HDX: variants seen among roughly 807,000 people sequenced by gnomAD.
HDX encodes highly divergent homeobox, also known as chromosome X open reading frame 43.
HDX carries 19 observed loss-of-function variants against 45.2 expected under a neutral mutation model. The ratio of observed to expected loss-of-function variants is 0.42; its 90% CI spans 0.29 to 0.62. HDX has a LOEUF of 0.62. Ranked by LOEUF, HDX falls within the 20% of genes least tolerant of loss-of-function variation. HDX has a pLI of 0.20. For synonymous variants in HDX, 188 were observed against 172.8 expected, an observed-to-expected ratio of 1.09 and a Z score of -0.69; for missense variants, 532 against 493.9, an observed-to-expected ratio of 1.08 and a Z score of -0.73.
At chrX:84,402,625 G>T (rs1315014236) in intron 5 of HDX, among the ~76,000 whole-genome samples, 2 of 111,109 alleles carry the variant, frequency 1.8e-5, no homozygotes, top group African/African-American at 6.5e-5. Flanking sequence ...TTATAATTAT[G>T]TGTAAAGCTG....
At chrX:84,389,866 A>T (rs1359829314) in intron 5 of HDX, among the ~76,000 whole-genome samples, 1 of 110,827 alleles carries the variant, frequency 9.0e-6, no homozygotes, top group Non-Finnish European at 1.9e-5. Flanking sequence ...AGACCAGCTC[A>T]CATGTCTGTC....
intron 4 of HDX, among the ~76,000 whole-genome samples, chrX:84,453,991 G>C (rs987414351): frequency 1.8e-5 from 2 of 111,787 alleles, no homozygotes; most frequent in Non-Finnish European, 3.8e-5. Flanking sequence ...GGAACCTGCT[G>C]CCTTGAAGCA....
chrX:84,444,739 G>A (rs1317211401), intron 4 of HDX, among the ~76,000 whole-genome samples: 1 of 111,591 alleles, frequency 9.0e-6, no homozygotes, highest in Non-Finnish European at 1.9e-5. Context: ...CACATCAAAT[G>A]TATACTTAAG....
intron 6 of HDX, among the ~76,000 whole-genome samples, chrX:84,349,399 ATATATGTGTG>A (rs2037280746): frequency 1.1e-5 from 1 of 89,631 alleles, no homozygotes; most frequent in African/African-American, 4.2e-5. Context: ...AATTATATAT[ATATATGTGTG>A]TGTGTGTGTG....
intron 1 of HDX, among the ~76,000 whole-genome samples, chrX:84,497,893 G>A (rs1315314103): frequency 3.6e-5 from 4 of 111,345 alleles, no homozygotes; most frequent in Non-Finnish European, 7.5e-5. Flanking sequence ...AGTAGTATAT[G>A]ACCTTGCATG....
At chrX:84,407,041 T>G (rs1489014505) in intron 5 of HDX, among the ~76,000 whole-genome samples, 1 of 111,772 alleles carries the variant, frequency 8.9e-6, no homozygotes, top group Non-Finnish European at 1.9e-5. Flanking sequence ...GGCTAGAGAA[T>G]TAACCACATT....
At chrX:84,464,679 G>T (rs1238402249) in intron 4 of HDX, among the ~76,000 whole-genome samples, 5 of 111,679 alleles carry the variant, frequency 4.5e-5, no homozygotes, top group African/African-American at 6.5e-5. Flanking sequence ...ATTAACTCAA[G>T]ATGATTAAAG....
Position 84,469,260 on chromosome X carries a change from C to T in HDX, c.463G>A (p.Val155Ile). The T allele has an allele frequency of 8.3e-7, 1 of 1,209,365 alleles. No individual in the cohort carries two copies. Among genetic ancestry groups the T allele is most frequent in the South Asian group, 1.8e-5 (1 of 56,945 alleles). Residue 155 changes from valine to isoleucine, a missense_variant, in exon 4 of 11, where the codon GTC (valine) becomes ATC (isoleucine). Val to Ile is a conservative substitution (Grantham distance 29). Transcript: ENST00000373177. ...NDTEFQLHIP[V>I]QRQVAHCKNA... ...TTACAGTGTGCTACTTGTCTTTGGACAGGAATGTGTAACTGAAACTCAGTA... is the reference window on the plus strand; with the variant it reads ...TTACAGTGTGCTACTTGTCTTTGGATAGGAATGTGTAACTGAAACTCAGTA...
At chrX:84,378,636 GA>G (rs930452941) in intron 5 of HDX, among the ~76,000 whole-genome samples, 2 of 111,090 alleles carry the variant, frequency 1.8e-5, no homozygotes, top group African/African-American at 6.5e-5. Flanking sequence ...ACCTCAAACA[GA>G]AAAGCATACA....
rs765664581 is a variant in HDX at position 84,327,717 on chromosome X, C to T, written c.1825-1417G>A. Among the ~76,000 whole-genome samples the T allele has an allele frequency of 7.2e-5, 8 of 111,288 alleles. No individual in the cohort carries two copies. In the Admixed American group the frequency reaches 7.6e-4, roughly 11 times the overall value. ...AGAGGAAAACAGAGGAGAAAATCTT[C>T]GTTACCTTGGGTTAGGCAAAAAGTT... On this transcript the variant is annotated intron_variant, in intron 9 of 10. Coordinates refer to ENST00000373177, the MANE Select transcript of HDX (RefSeq NM_001177479.2).
intron 1 of HDX, among the ~76,000 whole-genome samples, chrX:84,491,666 G>A (rs1336703778): frequency 9.0e-6 from 1 of 111,447 alleles, no homozygotes. Flanking sequence ...GCCTTTGTTT[G>A]GGGATATATT....
At chrX:84,466,217 T>TAA (rs1569359713) in intron 4 of HDX, among the ~76,000 whole-genome samples, 1 of 112,467 alleles carries the variant, frequency 8.9e-6, no homozygotes, top group Non-Finnish European at 1.9e-5. Flanking sequence ...CTAGCAGAGT[T>TAA]TCATTAACTT....
intron 9 of HDX, among the ~76,000 whole-genome samples, chrX:84,326,914 CAA>C (rs11361719): frequency 2.6e-3 from 210 of 79,529 alleles, no homozygotes; most frequent in African/African-American, 6.3e-3. Flanking sequence ...GAGACTGTCT[CAA>C]AAAAAAAAAA....
chrX:84,471,533 G>A (rs1355515358), intron 3 of HDX, among the ~76,000 whole-genome samples: 1 of 108,312 alleles, frequency 9.2e-6, no homozygotes, highest in East Asian at 2.9e-4. Context: ...GCTTGTGGAA[G>A]GGTATTCTGG....
chrX:84,354,958 T>C (rs868753089), intron 6 of HDX, among the ~76,000 whole-genome samples: 16 of 91,190 alleles, frequency 1.8e-4, no homozygotes, highest in Middle Eastern at 5.1e-3. Context: ...TATATATATA[T>C]ATATATATAT....
At chrX:84,401,648 C>T (rs1407343713) in intron 5 of HDX, among the ~76,000 whole-genome samples, 9 of 111,367 alleles carry the variant, frequency 8.1e-5, no homozygotes, top group Admixed American at 2.9e-4. Context: ...GACAGTGTGG[C>T]GATTCCTCAA....
At chrX:84,351,402 C>T (rs2037356603) in intron 6 of HDX, among the ~76,000 whole-genome samples, 1 of 110,583 alleles carries the variant, frequency 9.0e-6, no homozygotes, top group Non-Finnish European at 1.9e-5. Context: ...GAGGTGGGGG[C>T]ATCTAGCTGT....
chrX:84,423,422 A>G (rs917321347), intron 5 of HDX, among the ~76,000 whole-genome samples: 3 of 107,060 alleles, frequency 2.8e-5, no homozygotes, highest in Admixed American at 2.0e-4. Context: ...AAAAGGGAAT[A>G]CTTCCAAACT....
chrX:84,432,328 G>C (rs145845005), intron 5 of HDX, among the ~76,000 whole-genome samples: 133 of 111,606 alleles, frequency 1.2e-3, no homozygotes, highest in African/African-American at 4.2e-3. Flanking sequence ...GATCATTTTT[G>C]GTTCCATACA....
Sources: gnomAD v4.1 joint callset for allele counts (sites outside exome capture counted in the v4.1 genomes callset) on GRCh38, gnomAD v4.1.1 for gene constraint, MANE v1.5 for transcripts, NCBI Gene and HGNC (gene_info 2026-07-23, HGNC 2026-07-21) for gene names.